The following CFAP47 variants were observed in gnomAD, a reference collection of about 807,000 sequenced individuals.
The protein encoded by CFAP47 is cilia and flagella associated protein 47.
In CFAP47, 29 loss-of-function variants were observed where a neutral mutation model predicts 148.1. That is an observed-to-expected ratio of 0.20 (90% CI 0.15 to 0.27). CFAP47 has a LOEUF of 0.27. Among genes scored for constraint, CFAP47 ranks in the 10% least tolerant of loss-of-function variants. CFAP47 has a pLI of 1.00. For missense variants in CFAP47, 1,872 were observed against 1,697.5 expected, an observed-to-expected ratio of 1.10 and a Z score of -1.81; for synonymous variants, 664 against 577.3, an observed-to-expected ratio of 1.15 and a Z score of -2.15.
intron 63 of CFAP47, 26 bp downstream of exon 63, chrX:36,379,544 A>G: frequency 1.8e-6 from 2 of 1,081,239 alleles, no homozygotes; most frequent in Non-Finnish European, 2.5e-6. Context: ...GCAATAGCCA[A>G]GGATGTTTGA....
Position 36,348,225 on chromosome X carries a change from C to A in CFAP47, c.8540C>A (p.Thr2847Lys). 2 of 1,056,315 alleles carry A rather than the reference C, an allele frequency of 1.9e-6. No individual in the cohort carries two copies. The highest frequency in any genetic ancestry group is 2.4e-6 in the Non-Finnish European group (2 of 816,576). The allele number at this position is 1,056,315 out of a possible 1,213,427, so 87.1% of individuals were successfully genotyped here. A position where few individuals can be genotyped will look rare whatever the true frequency, so the allele number is the denominator to read the frequency against. The change falls in exon 58 of 64, where the codon ACG (threonine) becomes AAG (lysine). Residue 2847 changes from threonine (T) to lysine (K), a missense_variant. Physicochemically the swap from Thr to Lys is moderately conservative, Grantham distance 78. Coordinates refer to ENST00000378653, the MANE Select transcript of CFAP47 (RefSeq NM_001304548.2). ...AAAACAATGGTTATTATTGAGATGA[C>A]GAAAGCAAATGGAAAATATTGGCCT... ...LHKTMVIIEM[T>K]KANGKYWPID...
chrX:35,931,091 A>G (rs752146216), intron 2 of CFAP47, among the ~76,000 whole-genome samples: 5 of 111,494 alleles, frequency 4.5e-5, no homozygotes, highest in African/African-American at 1.6e-4. Context: ...GCACTGCTTT[A>G]GCTGTGTCCT....
intron 26 of CFAP47, among the ~76,000 whole-genome samples, chrX:36,061,162 C>A (rs1035975841): frequency 2.5e-4 from 28 of 111,014 alleles, no homozygotes; most frequent in African/African-American, 7.9e-4. Flanking sequence ...ACTGCCCTCT[C>A]TTCCTCCTTC....
At chrX:36,081,787 A>C (rs1442196616) in intron 29 of CFAP47, among the ~76,000 whole-genome samples, 3 of 111,504 alleles carry the variant, frequency 2.7e-5, no homozygotes, top group South Asian at 3.8e-4. Flanking sequence ...AATAATATCC[A>C]ACATCCCTTC....
intron 49 of CFAP47, among the ~76,000 whole-genome samples, chrX:36,279,378 A>G (rs1214880079): frequency 1.8e-5 from 2 of 112,433 alleles, no homozygotes; most frequent in Non-Finnish European, 3.8e-5. Context: ...TGTTACTCTC[A>G]AGTAAAAACT....
At chrX:36,199,753 A>G (rs1199680290) in intron 42 of CFAP47, among the ~76,000 whole-genome samples, 2 of 111,608 alleles carry the variant, frequency 1.8e-5, no homozygotes, top group East Asian at 5.7e-4. Context: ...CAGTTAGTGT[A>G]GAGACCACAT....
intron 8 of CFAP47, among the ~76,000 whole-genome samples, chrX:35,957,787 G>A (rs1200843713): frequency 8.9e-6 from 1 of 112,204 alleles, no homozygotes; most frequent in Non-Finnish European, 1.9e-5. Context: ...AATGTAAGAA[G>A]TATAGTAGAC....
chrX:36,355,305 T>C (rs1228645329), intron 60 of CFAP47, among the ~76,000 whole-genome samples: 1 of 111,423 alleles, frequency 9.0e-6, no homozygotes, highest in Non-Finnish European at 1.9e-5. Flanking sequence ...AGTCTAACAG[T>C]ATGAAAGCTC....
At position 35,966,552 on chromosome X, in the gene CFAP47, C is replaced by T; in HGVS notation, c.1411-13C>T. 4 of 841,041 alleles carry T rather than the reference C, an allele frequency of 4.8e-6. No individual in the cohort carries two copies. Among genetic ancestry groups the T allele is most frequent in the Non-Finnish European group, 4.6e-6 (3 of 652,185 alleles). 69.3% of individuals were successfully genotyped at this position (841,041 alleles called of 1,213,427 possible). ...CAATTTATTATTGGTTACTTTTCAT[C>T]TTTTTTTTTTAGGATGTGATGTGTT... On this transcript the variant is annotated splice_polypyrimidine_tract_variant and intron_variant, in intron 8 of 63. Coordinates refer to ENST00000378653, the MANE Select transcript of CFAP47 (RefSeq NM_001304548.2).
At chrX:36,254,914 A>T (rs782327543) in intron 49 of CFAP47, among the ~76,000 whole-genome samples, 1 of 111,079 alleles carries the variant, frequency 9.0e-6, no homozygotes, top group Non-Finnish European at 1.9e-5. Flanking sequence ...GTGTATAGGA[A>T]CTCTCTGCAG....
intron 51 of CFAP47, 140 bp from the exon 52 acceptor site, chrX:36,298,837 A>G: frequency 2.8e-6 from 1 of 355,174 alleles, no homozygotes; most frequent in Non-Finnish European, 5.0e-6. Context: ...CTAGTGAGAT[A>G]TATTCAATAG....
At chrX:36,158,930 A>T (rs143836503) in intron 37 of CFAP47, among the ~76,000 whole-genome samples, 2,055 of 111,928 alleles carry the variant, frequency 0.018, 17 homozygotes, top group Non-Finnish European at 0.029. Flanking sequence ...CAAATTGAAG[A>T]TTAAGGAGGA....
intron 45 of CFAP47, among the ~76,000 whole-genome samples, chrX:36,216,388 C>A (rs2061101154): frequency 9.0e-6 from 1 of 111,253 alleles, no homozygotes; most frequent in Admixed American, 9.6e-5. Context: ...TTCCAGAGGC[C>A]CATCTGTGCT....
Position 35,951,894 on chromosome X carries a change from C to G in CFAP47, c.977C>G (p.Ser326Cys). Reference protein sequence around the residue: ...IKNIDTTIIISCLPNEGTLQP... With the variant: ...IKNIDTTIIICCLPNEGTLQP... The stretch of plus-strand genomic sequence containing the variant: ...AACATAGATACTACTATCATTATCT[C>G]CTGTCTTCCTAATGAAGGGACTTTA... The change falls in exon 6 of 64, where the codon TCC becomes TGC. Residue 326 changes from serine to cysteine, a missense_variant. Transcript: ENST00000378653. The G allele has an allele frequency of 8.5e-7, 1 of 1,177,141 alleles. No homozygotes were observed.
At position 36,296,213 on chromosome X, in the gene CFAP47, C is replaced by T. The variant is rs1194092859; in HGVS notation, c.7687-2764C>T. 3.6e-5 allele frequency among the ~76,000 whole-genome samples: 4 copies of T among 112,113 alleles called. No homozygotes were observed. The East Asian group carries it at 1.1e-3, about 31-fold the overall frequency. ...CATCCGTATCTCCCACTCTTAAGAT[C>T]TGGCCAACTGTAGAATATTATGACA... is the stretch of plus-strand genomic sequence containing the variant. On this transcript the variant is annotated intron_variant, in intron 51 of 63. Transcript: ENST00000378653.
intron 50 of CFAP47, among the ~76,000 whole-genome samples, chrX:36,281,758 T>A (rs141802730): frequency 0.05 from 5,554 of 112,074 alleles, 339 homozygotes; most frequent in African/African-American, 0.17. Flanking sequence ...AAATTAAGCA[T>A]CACAGAATCC....
chrX:36,059,769 C>A (rs146102071), intron 26 of CFAP47, among the ~76,000 whole-genome samples: 2,405 of 111,604 alleles, frequency 0.022, 77 homozygotes, highest in African/African-American at 0.075. Context: ...GTTTGTTTGG[C>A]CCTGTCAAAT....
chrX:36,286,679 G>T (rs1421522230), intron 51 of CFAP47, among the ~76,000 whole-genome samples: 4 of 110,947 alleles, frequency 3.6e-5, no homozygotes, highest in Non-Finnish European at 7.6e-5. Context: ...TTCCTTAAAG[G>T]TTACTTTAAA....
At chrX:36,157,436 A>G (rs1402788823) in intron 37 of CFAP47, among the ~76,000 whole-genome samples, 2 of 111,711 alleles carry the variant, frequency 1.8e-5, no homozygotes, top group Non-Finnish European at 3.8e-5. Context: ...ATTCAAACAC[A>G]TTTTAATTCC....
Sources: allele counts gnomAD v4.1 joint callset (sites outside exome capture counted in the v4.1 genomes callset), GRCh38; gene constraint gnomAD v4.1.1; transcripts MANE v1.5; gene names NCBI Gene and HGNC (gene_info 2026-07-23, HGNC 2026-07-21).